Variants in CAST observed in about 807,000 individuals in gnomAD.
CAST encodes the protein MIR583 host.
Under a neutral mutation model 119.6 loss-of-function variants are expected in CAST, and 76 were observed. The ratio of observed to expected loss-of-function variants is 0.64; its 90% confidence interval spans 0.53 to 0.77. The LOEUF is 0.77. Ranked by LOEUF, CAST falls within the 30% of genes least tolerant of loss-of-function variation. The pLI is 0.00. For synonymous variants in CAST, 319 were observed against 331.6 expected, an observed-to-expected ratio of 0.96 and a Z score of 0.41; for missense variants, 953 against 946.5, an observed-to-expected ratio of 1.01 and a Z score of -0.09.
the CAST span, among the ~76,000 whole-genome samples, chr5:96,334,960 C>T: frequency 6.6e-6 from 1 of 152,202 alleles, no homozygotes; most frequent in Non-Finnish European, 1.5e-5. Flanking sequence ...CAGAGCTCCA[C>T]TCACACCCTG....
chr5:96,236,818 T>C, the CAST span, among the ~76,000 whole-genome samples: 1 of 152,226 alleles, frequency 6.6e-6, no homozygotes, highest in South Asian at 2.1e-4. Context: ...CCATGATAAC[T>C]TACTGGACCT....
At chr5:96,205,914 G>A in the CAST span, among the ~76,000 whole-genome samples, 1 of 151,892 alleles carries the variant, frequency 6.6e-6, no homozygotes. Flanking sequence ...CTTGAAATTA[G>A]TGGCTGAACT....
chr5:96,361,388 ACTC>A, the CAST span, among the ~76,000 whole-genome samples: 2 of 151,514 alleles, frequency 1.3e-5, no homozygotes, highest in Non-Finnish European at 2.9e-5. Flanking sequence ...TGAAAAAAAA[ACTC>A]CTGCAGCTAG....
chr5:96,423,786 A>G, the CAST span, among the ~76,000 whole-genome samples: 1 of 152,184 alleles, frequency 6.6e-6, no homozygotes, highest in Admixed American at 6.5e-5. Flanking sequence ...CCTTTCATCT[A>G]TGGAAGCTCT....
chr5:96,389,828 G>A, the CAST span, among the ~76,000 whole-genome samples: 1 of 152,142 alleles, frequency 6.6e-6, no homozygotes, highest in Non-Finnish European at 1.5e-5. Context: ...CCAGCTACAA[G>A]GGAGGCTGAG....
chr5:96,625,284 CTCTG>C (rs1367662285), intron 1 of CAST, among the ~76,000 whole-genome samples: 1 of 152,166 alleles, frequency 6.6e-6, no homozygotes, highest in African/African-American at 2.4e-5. Flanking sequence ...CTCTCCCTCT[CTCTG>C]TCTCTCTCTC....
chr5:96,182,125 A>G, the CAST span, among the ~76,000 whole-genome samples: 16 of 152,234 alleles, frequency 1.1e-4, no homozygotes, highest in Admixed American at 1.0e-3. Flanking sequence ...TTATCTTGAA[A>G]TACTTTATAA....
At chr5:96,012,643 C>G in the CAST span, among the ~76,000 whole-genome samples, 1 of 152,144 alleles carries the variant, frequency 6.6e-6, no homozygotes. Context: ...CTACTCTTTG[C>G]TACTTCTTAG....
Position 96,767,381 on chromosome 5 carries a change from C to CCT in CAST, c.2131-56_2131-55dup, listed in dbSNP as rs1770366160. 5 of 1,431,494 alleles carry CCT rather than the reference C, an allele frequency of 3.5e-6. No homozygotes were observed. The South Asian group carries it at 5.8e-5, about 17-fold the overall frequency. 88.7% of individuals were successfully genotyped at this position (1,431,494 alleles called of 1,614,324 possible). On this transcript the variant is annotated intron_variant, in intron 27 of 31. Coordinates refer to ENST00000675179, the MANE Select transcript of CAST (RefSeq NM_001750.7). ...GACAATAGATTCTCTACTGCCTAAA[C>CCT]CTAAGTAAACCTTTACAGATATCTA...
chr5:96,362,691 C>G, the CAST span, among the ~76,000 whole-genome samples: 1 of 152,052 alleles, frequency 6.6e-6, no homozygotes, highest in East Asian at 1.9e-4. Context: ...GTTTGTTTTT[C>G]TCTTGTAAAT....
At chr5:96,368,252 C>A in the CAST span, among the ~76,000 whole-genome samples, 1 of 152,016 alleles carries the variant, frequency 6.6e-6, no homozygotes, top group Admixed American at 6.5e-5. Context: ...GTAATACCAG[C>A]ACTTTGGGTG....
At chr5:95,961,433 G>C in the CAST span, 71 of 1,050,334 alleles carry the variant, frequency 6.8e-5, no homozygotes, top group Non-Finnish European at 8.5e-5. Context: ...CACCCTGCCC[G>C]GCCCTGCCCT....
the CAST span, among the ~76,000 whole-genome samples, chr5:96,147,922 C>A: frequency 6.6e-6 from 1 of 152,192 alleles, no homozygotes; most frequent in East Asian, 1.9e-4. Context: ...ACATGAATCC[C>A]ACTGTTAGCT....
chr5:96,612,773 T>A (rs1031192640), intron 1 of CAST, among the ~76,000 whole-genome samples: 10 of 152,232 alleles, frequency 6.6e-5, no homozygotes, highest in Admixed American at 1.3e-4. Context: ...TTATTTTAGT[T>A]TTGCTTTAGA....
At chr5:96,382,088 G>A in the CAST span, among the ~76,000 whole-genome samples, 7 of 152,090 alleles carry the variant, frequency 4.6e-5, no homozygotes, top group African/African-American at 7.2e-5. Context: ...CTAAGCAGCC[G>A]AATGAAAATA....
At chr5:96,069,385 A>G in the CAST span, among the ~76,000 whole-genome samples, 186 of 96,150 alleles carry the variant, frequency 1.9e-3, 1 homozygote, top group African/African-American at 7.6e-3. Context: ...GTGTGTGTCT[A>G]TGTGTGTGTG....
chr5:96,466,032 A>G, the CAST span, among the ~76,000 whole-genome samples: 1 of 152,058 alleles, frequency 6.6e-6, no homozygotes, highest in African/African-American at 2.4e-5. Flanking sequence ...CCTTTCTCCA[A>G]CAAGACTTCT....
At chr5:96,520,327 T>A (rs1373729171), upstream of CAST, among the ~76,000 whole-genome samples, 1 of 152,250 alleles carries the variant, frequency 6.6e-6, no homozygotes, top group African/African-American at 2.4e-5. Flanking sequence ...ATGGAGAATG[T>A]GCTCTGTCTG....
chr5:96,139,493 C>CATAT, the CAST span, among the ~76,000 whole-genome samples: 1 of 146,328 alleles, frequency 6.8e-6, no homozygotes, highest in African/African-American at 2.5e-5. Flanking sequence ...GTCCTTGTAA[C>CATAT]ATATATATAT....
Sources: gnomAD v4.1 joint callset for allele counts (sites outside exome capture counted in the v4.1 genomes callset) on GRCh38, gnomAD v4.1.1 for gene constraint, MANE v1.5 for transcripts, NCBI Gene and HGNC (gene_info 2026-07-23, HGNC 2026-07-21) for gene names.